PLA2G6: variants seen among roughly 807,000 people sequenced by gnomAD.
PLA2G6 encodes 85/88 kDa calcium-independent phospholipase A2.
Under a neutral mutation model 83.8 loss-of-function variants are expected in PLA2G6, and 62 were observed. The observed-to-expected ratio is 0.74, with a 90% confidence interval of 0.60 to 0.91. The LOEUF is 0.91. Among genes scored for constraint, PLA2G6 ranks in the 40% least tolerant of loss-of-function variants. The pLI is 0.00. For missense variants in PLA2G6, 944 were observed against 1,102.0 expected (o/e 0.86, Z 2.03); for synonymous variants, 417 against 449.8 (o/e 0.93, Z 0.92).
chr22:38,166,874 T>A (rs1195681364), intron 2 of PLA2G6, among the ~76,000 whole-genome samples: 3 of 152,192 alleles, frequency 2.0e-5, no homozygotes, highest in Non-Finnish European at 4.4e-5. Context: ...AAGGCTATTT[T>A]CTCATGCATA....
At chr22:38,133,913 C>T (rs1445512656) in intron 6 of PLA2G6, 1 of 152,428 alleles carries the variant, frequency 6.6e-6, no homozygotes, top group Non-Finnish European at 1.5e-5. Flanking sequence ...TGAGTGTCAA[C>T]TTGATTGGAT....
chr22:38,168,848 A>AAAAAAC (rs1257798690), intron 2 of PLA2G6, among the ~76,000 whole-genome samples: 1 of 152,128 alleles, frequency 6.6e-6, no homozygotes, highest in African/African-American at 2.4e-5. Flanking sequence ...AGACTGTCTC[A>AAAAAAC]AAAAACAAAA....
In PLA2G6 at chr22:38,116,799, C is replaced by T. The variant is rs536679103; in HGVS notation, c.1743-588G>A. ...CCAGGAGGCAGAGGTTGCAGTGAGC[C>T]GAGATCACGTCATTGCACTCCAGCC... On this transcript the variant is annotated intron_variant, in intron 12 of 16. Transcript: ENST00000332509. 9.5e-4 allele frequency among the ~76,000 whole-genome samples: 126 copies of T among 132,434 alleles called. 1 individual carries two copies. The highest frequency in any genetic ancestry group is 3.4e-3 in the African/African-American group (123 of 36,044). 86.9% of individuals were successfully genotyped at this position (132,434 alleles called of 152,430 possible).
intron 3 of PLA2G6, chr22:38,144,539 A>T (rs2089121578): frequency 6.7e-6 from 1 of 148,340 alleles, no homozygotes; most frequent in South Asian, 2.2e-4. Flanking sequence ...AGGCTGAGGC[A>T]GGAGAATGGC....
In PLA2G6 at chr22:38,145,758, C is replaced by T; in HGVS notation, c.210-105G>A. 4.3e-6 allele frequency: 3 copies of T among 704,794 alleles called. No homozygotes were observed. In the South Asian group the frequency reaches 4.5e-5, roughly 11 times the overall value. The allele number at this position is 704,794 out of a possible 1,614,324, so 43.7% of individuals were successfully genotyped here. ...GGTCCCCAGGCTGCGGCCTGGCCAG[C>T]TCCAGCCCGACTCCCCTCCCAAGCA... On this transcript the variant is annotated intron_variant, in intron 2 of 16. Coordinates refer to ENST00000332509, the MANE Select transcript of PLA2G6 (RefSeq NM_003560.4).
intron 2 of PLA2G6, among the ~76,000 whole-genome samples, chr22:38,158,874 C>T (rs2089897425): frequency 6.6e-6 from 1 of 152,168 alleles, no homozygotes; most frequent in Non-Finnish European, 1.5e-5. Flanking sequence ...ATCATCAGGG[C>T]TCTGCCCTCA....
At chr22:38,142,242 T>C (rs1397453745) in intron 4 of PLA2G6, 1 of 144,926 alleles carries the variant, frequency 6.9e-6, no homozygotes. Flanking sequence ...TTTTCTGGTA[T>C]AACGTAGTTG....
At position 38,123,434 on chromosome 22, in the gene PLA2G6, C is replaced by G. The variant is rs1363615113; in HGVS notation, c.1428-176G>C. ...GGTGGGGGTGAGGGCAGTAAAGGAA[C>G]AAATGTCTAGTATTTCAGGGGCTGG... is the stretch of plus-strand genomic sequence containing the variant. On this transcript the variant is annotated intron_variant, in intron 10 of 16. Transcript: ENST00000332509. This position sits in a 1 kb window ranked among gnomAD's most constrained non-coding sequence, Gnocchi z 4.1. 6.6e-6 allele frequency among the ~76,000 whole-genome samples: 1 copy of G among 152,108 alleles called. No individual in the cohort carries two copies. The highest frequency in any genetic ancestry group is 1.5e-5 in the Non-Finnish European group (1 of 68,020).
chr22:38,127,409 A>G (rs1487378810), intron 9 of PLA2G6: 2 of 1,322,812 alleles, frequency 1.5e-6, no homozygotes, highest in South Asian at 1.2e-5. Flanking sequence ...GGCGTTACCC[A>G]TCTGACGCCG....
intron 10 of PLA2G6, chr22:38,125,677 G>T (rs754964353): frequency 1.9e-5 from 9 of 470,582 alleles, no homozygotes; most frequent in Non-Finnish European, 3.5e-5. Context: ...CCTCTCAGGG[G>T]CTCAGGTTCT....
intron 14 of PLA2G6, among the ~76,000 whole-genome samples, chr22:38,115,206 C>A (rs1249526295): frequency 1.3e-5 from 2 of 152,178 alleles, no homozygotes; most frequent in Non-Finnish European, 2.9e-5. Context: ...ACTGTCTATC[C>A]ACAGAGGTGA....
intron 2 of PLA2G6, among the ~76,000 whole-genome samples, chr22:38,156,031 C>T (rs1235922407): frequency 2.6e-5 from 4 of 152,088 alleles, no homozygotes; most frequent in Non-Finnish European, 5.9e-5. Context: ...AATAGCTATG[C>T]TATTCTATGA....
At chr22:38,145,787 AC>A in intron 2 of PLA2G6, 134 bp from the exon 3 acceptor site, 1 of 242,140 alleles carries the variant, frequency 4.1e-6, no homozygotes, top group South Asian at 4.8e-5. Flanking sequence ...CCAAGCAAAC[AC>A]ACACACACAC....
At chr22:38,168,414 C>T (rs945005204) in intron 2 of PLA2G6, among the ~76,000 whole-genome samples, 2 of 152,244 alleles carry the variant, frequency 1.3e-5, no homozygotes, top group African/African-American at 2.4e-5. Flanking sequence ...GCCGTTGGCC[C>T]GGTTCCCTCA....
intron 2 of PLA2G6, among the ~76,000 whole-genome samples, chr22:38,166,001 T>A (rs1377370605): frequency 6.6e-6 from 1 of 151,922 alleles, no homozygotes; most frequent in African/African-American, 2.4e-5. Flanking sequence ...TGGAAGAGGA[T>A]GAGAGGAGTG....
Position 38,128,246 on chromosome 22 carries a change from G to A in PLA2G6, c.1348+23C>T, listed in dbSNP as rs1001642950. The A allele has an allele frequency of 2.5e-6, 4 of 1,610,972 alleles. No homozygotes were observed. The highest frequency in any genetic ancestry group is 2.7e-5 in the African/African-American group (2 of 74,828). On this transcript the variant is annotated intron_variant, in intron 9 of 16. Coordinates refer to ENST00000332509, the MANE Select transcript of PLA2G6 (RefSeq NM_003560.4). This position sits in a 1 kb window ranked among gnomAD's most constrained non-coding sequence, Gnocchi z 4.4. ...GGGCCTGGGAACCAGCTGGAGAAGA[G>A]GGAGTCGGGAGGCGAGGCCTACCTA...
chr22:38,175,717 C>T (rs532182497), intron 1 of PLA2G6, among the ~76,000 whole-genome samples: 3 of 152,298 alleles, frequency 2.0e-5, no homozygotes, highest in African/African-American at 7.2e-5. Context: ...TTCCTCTTCT[C>T]CCCAGCACCC....
intron 12 of PLA2G6, among the ~76,000 whole-genome samples, chr22:38,117,173 GA>G: frequency 6.6e-6 from 1 of 152,100 alleles, no homozygotes; most frequent in Admixed American, 6.5e-5. Context: ...CCCAAAATAG[GA>G]AAAAACGGGT....
intron 1 of PLA2G6, among the ~76,000 whole-genome samples, chr22:38,181,378 A>G (rs2090840886): frequency 6.6e-6 from 1 of 152,140 alleles, no homozygotes; most frequent in South Asian, 2.1e-4. Context: ...CACTTAGAGG[A>G]GCACAGGAAG....
Sources: allele counts gnomAD v4.1 joint callset (sites outside exome capture counted in the v4.1 genomes callset), GRCh38; gene constraint gnomAD v4.1.1; non-coding constraint Gnocchi (gnomAD v3.1); transcripts MANE v1.5; gene names NCBI Gene and HGNC (gene_info 2026-07-23, HGNC 2026-07-21).